Variants in FHIT observed in about 807,000 individuals in gnomAD.
FHIT encodes the protein fragile histidine triad diadenosine triphosphatase, also known as bis(5'-adenosyl)-triphosphatase.
In FHIT, 19 loss-of-function variants were observed where a neutral mutation model predicts 17.9. That is an observed-to-expected ratio of 1.06 (90% CI 0.74 to 1.56). The LOEUF (loss-of-function observed/expected upper bound fraction) is 1.56, where lower values mean the gene tolerates loss of function less well. Ranked by LOEUF, FHIT falls within the 40% of genes most tolerant of loss-of-function variation. The pLI, the probability that FHIT is intolerant of heterozygous loss-of-function variation, is 0.00. For missense variants in FHIT, 248 were observed against 189.2 expected (o/e 1.31, Z -1.82); for synonymous variants, 81 against 69.7 (o/e 1.16, Z -0.81).
chr3:60,229,771 G>A (rs891488327), intron 5 of FHIT, among the ~76,000 whole-genome samples: 5 of 152,174 alleles, frequency 3.3e-5, no homozygotes, highest in South Asian at 2.1e-4. Context: ...ATCATGGCCA[G>A]GCATTGAAGA....
chr3:60,899,544 A>G (rs1351486182), intron 3 of FHIT, among the ~76,000 whole-genome samples: 2 of 152,202 alleles, frequency 1.3e-5, no homozygotes, highest in African/African-American at 4.8e-5. Flanking sequence ...TCATAACGGT[A>G]AAGGCTGCTC....
intron 4 of FHIT, among the ~76,000 whole-genome samples, chr3:60,799,363 A>G (rs1199686926): frequency 6.6e-6 from 1 of 152,118 alleles, no homozygotes; most frequent in Non-Finnish European, 1.5e-5. Context: ...TAGTAGAGAC[A>G]GGGTTTCTCC....
chr3:60,963,207 T>G (rs930884065), intron 3 of FHIT, among the ~76,000 whole-genome samples: 2 of 152,252 alleles, frequency 1.3e-5, no homozygotes, highest in African/African-American at 2.4e-5. Flanking sequence ...ATTTTCTAGT[T>G]TATTTGCATA....
At chr3:60,859,543 T>C (rs1175518748) in intron 3 of FHIT, among the ~76,000 whole-genome samples, 1 of 151,850 alleles carries the variant, frequency 6.6e-6, no homozygotes, top group African/African-American at 2.4e-5. Flanking sequence ...CACCCTTTCC[T>C]GGATGGGCCT....
intron 5 of FHIT, among the ~76,000 whole-genome samples, chr3:60,124,005 TATATAGAGAGAGAGAGAG>T (rs1705402624): frequency 9.6e-5 from 2 of 20,920 alleles, no homozygotes; most frequent in Admixed American, 6.1e-4. Flanking sequence ...TATATATATA[TATATAGAGAGAGAGAGAG>T]AGAGAGAGAG....
At chr3:59,875,957 GAA>G (rs5849307) in intron 8 of FHIT, among the ~76,000 whole-genome samples, 8 of 145,334 alleles carry the variant, frequency 5.5e-5, no homozygotes, top group African/African-American at 7.5e-5. Flanking sequence ...AAAAAAAAAA[GAA>G]AAAAAAAAGA....
chr3:60,441,784 A>G lies in FHIT; in HGVS notation c.103+95076T>C, dbSNP rs1347293924. ...TATATATATATTTATATGTATAAAA[A>G]TATATATATATATATATATATATAT... On this transcript the variant is annotated intron_variant, in intron 5 of 9. Transcript: ENST00000492590. 1.1e-3 allele frequency among the ~76,000 whole-genome samples: 30 copies of G among 27,634 alleles called. 1 individual carries two copies. The highest frequency in any genetic ancestry group is 9.5e-3 in the East Asian group (7 of 736). The allele number at this position is 27,634 out of a possible 152,430, so 18.1% of individuals were successfully genotyped here. A position where few individuals can be genotyped will look rare whatever the true frequency, so the allele number is the denominator to read the frequency against.
intron 5 of FHIT, among the ~76,000 whole-genome samples, chr3:60,428,089 C>T (rs1429210444): frequency 6.6e-6 from 1 of 152,122 alleles, no homozygotes; most frequent in African/African-American, 2.4e-5. Flanking sequence ...AGTTCAAAAT[C>T]TCTAAGTATT....
At chr3:59,754,770 G>C (rs1559574081) in intron 8 of FHIT, among the ~76,000 whole-genome samples, 1 of 152,130 alleles carries the variant, frequency 6.6e-6, no homozygotes, top group Non-Finnish European at 1.5e-5. Context: ...GGAAATAATA[G>C]GAAATAAATA....
chr3:60,823,212 A>G (rs1553739885), intron 3 of FHIT, among the ~76,000 whole-genome samples: 1 of 152,184 alleles, frequency 6.6e-6, no homozygotes, highest in East Asian at 1.9e-4. Flanking sequence ...TATGTAAAAT[A>G]CATGAGTGGT....
chr3:60,802,996 T>C (rs1042193738), intron 4 of FHIT, among the ~76,000 whole-genome samples: 2 of 152,180 alleles, frequency 1.3e-5, no homozygotes, highest in Non-Finnish European at 2.9e-5. Flanking sequence ...AATGGGATGT[T>C]TGCCAAACCA....
At chr3:60,602,503 C>A (rs1211234166) in intron 4 of FHIT, among the ~76,000 whole-genome samples, 5 of 140,264 alleles carry the variant, frequency 3.6e-5, no homozygotes, top group Middle Eastern at 3.5e-3. Flanking sequence ...TTCATGAAAC[C>A]TTCTTGGAGA....
At position 60,049,294 on chromosome 3, in the gene FHIT, A is replaced by T. The variant is rs572918765; in HGVS notation, c.104-35142T>A. Among the ~76,000 whole-genome samples, 400 of 152,334 alleles carry T rather than the reference A, an allele frequency of 2.6e-3. 4 individuals carry two copies. Among genetic ancestry groups the T allele is most frequent in the South Asian group, 8.7e-3 (42 of 4,822 alleles). On this transcript the variant is annotated intron_variant, in intron 5 of 9. Transcript: ENST00000492590. ...TGTACCTCTGGATCTAAGCTGTTAA[A>T]CATAGTAGCCACTAGCCACATGCAG...
Position 60,077,241 on chromosome 3 carries a change from CTG to C in FHIT, c.104-63091_104-63090del, listed in dbSNP as rs769200491. ...GAATTCATAATTTTTAATATATAAACTGAGAGATATGGAAATATATATATAGT... is the reference window on the plus strand; with the variant it reads ...GAATTCATAATTTTTAATATATAAACAGAGATATGGAAATATATATATAGT... On this transcript the variant is annotated intron_variant, in intron 5 of 9. Transcript: ENST00000492590. 14 of 151,936 alleles carry C rather than the reference CTG, an allele frequency of 9.2e-5. No individual in the cohort carries two copies. In the East Asian group the frequency reaches 1.2e-3, roughly 13 times the overall value. 9.4% of individuals were successfully genotyped at this position (151,936 alleles called of 1,614,324 possible).
At chr3:60,971,520 A>ACCTT (rs200642362) in intron 3 of FHIT, among the ~76,000 whole-genome samples, 1 of 136,520 alleles carries the variant, frequency 7.3e-6, no homozygotes, top group Non-Finnish European at 1.7e-5. Context: ...TTCTCCCTCA[A>ACCTT]TCTTTTTTTT....
chr3:60,001,983 A>G lies in FHIT; in HGVS notation c.279+9388T>C, dbSNP rs146872705. ...ATTTTGTGGGGGAACACGAACTGAT[A>G]TATGGACCCCAGAGTGGGAGACTTG... On this transcript the variant is annotated intron_variant, in intron 7 of 9. Transcript: ENST00000492590. 2.6e-5 allele frequency among the ~76,000 whole-genome samples: 4 copies of G among 152,310 alleles called. No homozygotes were observed. The East Asian group carries it at 5.8e-4, about 22-fold the overall frequency.
At chr3:60,413,396 CT>C (rs1702134719) in intron 5 of FHIT, among the ~76,000 whole-genome samples, 1 of 152,114 alleles carries the variant, frequency 6.6e-6, no homozygotes, top group Non-Finnish European at 1.5e-5. Flanking sequence ...CATGCAACGA[CT>C]TCCCTGATTT....
intron 5 of FHIT, among the ~76,000 whole-genome samples, chr3:60,445,738 TCAAAGA>T (rs2031286874): frequency 6.6e-6 from 1 of 151,676 alleles, no homozygotes; most frequent in Admixed American, 6.6e-5. Flanking sequence ...AAGAAAGAAT[TCAAAGA>T]CAAAGACACA....
intron 7 of FHIT, among the ~76,000 whole-genome samples, chr3:60,008,367 T>C (rs1417931881): frequency 6.6e-6 from 1 of 152,144 alleles, no homozygotes; most frequent in Non-Finnish European, 1.5e-5. Flanking sequence ...AATTGTGAAA[T>C]AAGAGGTCAC....
Sources: allele counts gnomAD v4.1 joint callset (sites outside exome capture counted in the v4.1 genomes callset), GRCh38; gene constraint gnomAD v4.1.1; transcripts MANE v1.5; gene names NCBI Gene and HGNC (gene_info 2026-07-23, HGNC 2026-07-21).